The following UBE2E2 variants were observed in gnomAD, a reference collection of about 807,000 sequenced individuals.
UBE2E2 encodes the protein ubiquitin conjugating enzyme E2 E2.
Under a neutral mutation model 24.7 loss-of-function variants are expected in UBE2E2, and 6 were observed. The observed-to-expected ratio is 0.24, with a 90% CI of 0.13 to 0.48. The LOEUF (loss-of-function observed/expected upper bound fraction) is 0.48, where lower values mean the gene tolerates loss of function less well. UBE2E2 is among the 20% of genes least tolerant of loss of function. UBE2E2 has a pLI of 0.99. For missense variants in UBE2E2, 169 were observed against 245.0 expected, an observed-to-expected ratio of 0.69 and a Z score of 2.07; for synonymous variants, 104 against 83.6, an observed-to-expected ratio of 1.24 and a Z score of -1.33.
At chr3:23,524,646 G>T (rs988344240) in intron 4 of UBE2E2, among the ~76,000 whole-genome samples, 2 of 152,094 alleles carry the variant, frequency 1.3e-5, no homozygotes, top group African/African-American at 4.8e-5. Flanking sequence ...CTCTTGTTTT[G>T]TTAGGAAAGA....
intron 1 of UBE2E2, among the ~76,000 whole-genome samples, chr3:23,203,940 A>G (rs1696050840): frequency 6.6e-6 from 1 of 150,906 alleles, no homozygotes; most frequent in African/African-American, 2.4e-5. Context: ...TCGCCGCCGC[A>G]CCCCGGTGGC....
intron 5 of UBE2E2, among the ~76,000 whole-genome samples, chr3:23,561,384 A>T (rs534739055): frequency 1.3e-5 from 2 of 152,018 alleles, no homozygotes; most frequent in East Asian, 3.9e-4. Context: ...ATAGTTGTAG[A>T]TGTGTGGTAT....
chr3:23,343,482 A>T (rs1695460642), intron 3 of UBE2E2, among the ~76,000 whole-genome samples: 1 of 152,194 alleles, frequency 6.6e-6, no homozygotes, highest in Non-Finnish European at 1.5e-5. Context: ...AGGCTGAGGC[A>T]GGAGAATCGC....
intron 3 of UBE2E2, among the ~76,000 whole-genome samples, chr3:23,301,733 G>T (rs908844778): frequency 6.6e-5 from 10 of 152,152 alleles, no homozygotes; most frequent in African/African-American, 2.2e-4. Flanking sequence ...GGGGGTCAGG[G>T]ACCCACTTGA....
chr3:23,397,338 A>C (rs1461410732), intron 3 of UBE2E2, among the ~76,000 whole-genome samples: 1 of 152,220 alleles, frequency 6.6e-6, no homozygotes, highest in African/African-American at 2.4e-5. Flanking sequence ...ATAACTACTA[A>C]TAAGTAATTA....
At position 23,426,603 on chromosome 3, in the gene UBE2E2, G is replaced by GA. The variant is rs1310278271; in HGVS notation, c.228-72998dup. Among the ~76,000 whole-genome samples, 11 of 152,094 alleles carry GA rather than the reference G, an allele frequency of 7.2e-5. No homozygotes were observed. The East Asian group carries it at 2.1e-3, about 29-fold the overall frequency. ...TGAAGTGAAATAATTAGTGTTGAGA[G>GA]AAAAAAACTTCCAGCCAAAAATTCC... On this transcript the variant is annotated intron_variant, in intron 3 of 5. Coordinates refer to ENST00000396703, the MANE Select transcript of UBE2E2 (RefSeq NM_152653.4).
intron 5 of UBE2E2, among the ~76,000 whole-genome samples, chr3:23,548,358 T>C (rs755949152): frequency 1.1e-4 from 16 of 152,238 alleles, no homozygotes; most frequent in Non-Finnish European, 2.2e-4. Context: ...TTTCTGGTGT[T>C]TGTAATATAA....
chr3:23,358,026 G>A (rs1171920047), intron 3 of UBE2E2, among the ~76,000 whole-genome samples: 1 of 151,996 alleles, frequency 6.6e-6, no homozygotes, highest in African/African-American at 2.4e-5. Context: ...TATAGAGATG[G>A]AATTTCACCA....
chr3:23,549,156 G>A (rs1695585955), intron 5 of UBE2E2, among the ~76,000 whole-genome samples: 1 of 152,192 alleles, frequency 6.6e-6, no homozygotes, highest in Non-Finnish European at 1.5e-5. Flanking sequence ...CATGCACATA[G>A]CATAATAATC....
chr3:23,536,950 C>T (rs1465940981), intron 5 of UBE2E2, among the ~76,000 whole-genome samples: 9 of 152,096 alleles, frequency 5.9e-5, no homozygotes, highest in South Asian at 4.1e-4. Flanking sequence ...TTTAGTGAAA[C>T]GAGATAATGT....
intron 3 of UBE2E2, among the ~76,000 whole-genome samples, chr3:23,399,036 C>T (rs933366444): frequency 2.0e-5 from 3 of 152,256 alleles, no homozygotes; most frequent in Middle Eastern, 3.4e-3. Context: ...TCATTGCTGT[C>T]GGTTGAAACA....
rs1698464725 is a variant in UBE2E2 at position 23,280,287 on chromosome 3, C to T, written c.227+62975C>T. On this transcript the variant is annotated intron_variant, in intron 3 of 5. Transcript: ENST00000396703. The surrounding 1 kb of genome is among the most constrained non-coding windows in gnomAD (Gnocchi z 4.3). ...CTCTTTTTTGGTATTCAGAATTGCA[C>T]CCCTTAGTGTAATTTTTAGTGGTGA... Among the ~76,000 whole-genome samples, 1 of 152,078 alleles carries T rather than the reference C, an allele frequency of 6.6e-6. No individual in the cohort carries two copies. Among genetic ancestry groups the T allele is most frequent in the South Asian group, 2.1e-4 (1 of 4,822 alleles).
chr3:23,407,246 C>T lies in UBE2E2; in HGVS notation c.228-92362C>T, dbSNP rs1312886487. 7.1e-6 allele frequency among the ~76,000 whole-genome samples: 1 copy of T among 140,288 alleles called. No individual in the cohort carries two copies. Among genetic ancestry groups the T allele is most frequent in the Non-Finnish European group, 1.6e-5 (1 of 61,946 alleles). The allele number at this position is 140,288 out of a possible 152,430, so 92.0% of individuals were successfully genotyped here. A position where few individuals can be genotyped will look rare whatever the true frequency, so the allele number is the denominator to read the frequency against. ...GCATCAAGCTTTACACATTTTTTTC[C>T]CCATTTTTTTTCTGGAAAGAATAAA... is the stretch of plus-strand genomic sequence containing the variant. On this transcript the variant is annotated intron_variant, in intron 3 of 5. Transcript: ENST00000396703. This position sits in a 1 kb window ranked among gnomAD's most constrained non-coding sequence, Gnocchi z 4.0.
At chr3:23,404,249 ATTTATTGAACATTGGCTT>A (rs1469316361) in intron 3 of UBE2E2, among the ~76,000 whole-genome samples, 1 of 152,180 alleles carries the variant, frequency 6.6e-6, no homozygotes, top group Non-Finnish European at 1.5e-5. Context: ...CTATATTGGT[ATTTATTGAACATTGGCTT>A]TTTATATGAC....
At chr3:23,388,980 C>T (rs531714598) in intron 3 of UBE2E2, among the ~76,000 whole-genome samples, 153 of 139,170 alleles carry the variant, frequency 1.1e-3, no homozygotes, top group African/African-American at 3.8e-3. Flanking sequence ...CCAGCCTGGG[C>T]GACAGAGCAA....
At chr3:23,525,381 G>A (rs1694970698) in intron 4 of UBE2E2, among the ~76,000 whole-genome samples, 1 of 152,150 alleles carries the variant, frequency 6.6e-6, no homozygotes, top group African/African-American at 2.4e-5. Flanking sequence ...TTGGGTGTGT[G>A]TTTATCACAC....
intron 3 of UBE2E2, among the ~76,000 whole-genome samples, chr3:23,351,618 A>C (rs1475752204): frequency 2.6e-5 from 4 of 152,180 alleles, no homozygotes; most frequent in Non-Finnish European, 5.9e-5. Flanking sequence ...AAACCAACAA[A>C]GATCAAAAGA....
chr3:23,264,066 G>A (rs9875910), intron 3 of UBE2E2, among the ~76,000 whole-genome samples: 127,935 of 152,156 alleles, frequency 0.84, 53,896 homozygotes, highest in African/African-American at 0.9. Flanking sequence ...TACATTAATC[G>A]TATGATGTAG....
chr3:23,241,592 C>T (rs1697261655), intron 3 of UBE2E2, among the ~76,000 whole-genome samples: 1 of 152,134 alleles, frequency 6.6e-6, no homozygotes. Context: ...CCTCAAATGT[C>T]ATCTCGGTGA....
Sources: gnomAD v4.1 joint callset for allele counts (sites outside exome capture counted in the v4.1 genomes callset) on GRCh38, gnomAD v4.1.1 for gene constraint, Gnocchi (gnomAD v3.1) non-coding constraint, MANE v1.5 for transcripts, NCBI Gene and HGNC (gene_info 2026-07-23, HGNC 2026-07-21) for gene names.